ADAMTSL1: variants seen among roughly 807,000 people sequenced by gnomAD.
ADAMTSL1 encodes ADAMTS like 1.
ADAMTSL1 carries 126 observed loss-of-function variants against 201.8 expected under a neutral mutation model. The ratio of observed to expected loss-of-function variants is 0.62; its 90% CI spans 0.54 to 0.72. The LOEUF (loss-of-function observed/expected upper bound fraction) is 0.72. Ranked by LOEUF, ADAMTSL1 falls within the 30% of genes least tolerant of loss-of-function variation. The pLI, the probability that ADAMTSL1 is intolerant of heterozygous loss-of-function variation, is 0.00. For missense variants in ADAMTSL1, 2,679 were observed against 2,277.8 expected, an observed-to-expected ratio of 1.18 and a Z score of -3.59; for synonymous variants, 1,121 against 903.4, an observed-to-expected ratio of 1.24 and a Z score of -4.32.
At chr9:17,980,581 C>G (rs1818648291) in intron 1 of ADAMTSL1, among the ~76,000 whole-genome samples, 1 of 151,830 alleles carries the variant, frequency 6.6e-6, no homozygotes, top group Non-Finnish European at 1.5e-5. Context: ...AAATTCTAAC[C>G]CCAGCATGAT....
chr9:18,507,577 A>T (rs999842130), intron 2 of ADAMTSL1, among the ~76,000 whole-genome samples: 1 of 152,188 alleles, frequency 6.6e-6, no homozygotes, highest in African/African-American at 2.4e-5. Flanking sequence ...TTTTTATGGC[A>T]ATTACACACT....
chr9:18,360,410 C>T (rs1398255526), intron 2 of ADAMTSL1, among the ~76,000 whole-genome samples: 1 of 152,264 alleles, frequency 6.6e-6, no homozygotes, highest in East Asian at 1.9e-4. Flanking sequence ...CTGTCATTTG[C>T]TAGGTGTAAG....
intron 14 of ADAMTSL1, among the ~76,000 whole-genome samples, chr9:18,720,706 C>T (rs1215879750): frequency 6.6e-6 from 1 of 152,078 alleles, no homozygotes; most frequent in Non-Finnish European, 1.5e-5. Flanking sequence ...TCGCTTGAAC[C>T]CGGAAGGCAG....
At chr9:18,844,130 G>A (rs575061278) in intron 23 of ADAMTSL1, among the ~76,000 whole-genome samples, 1 of 152,160 alleles carries the variant, frequency 6.6e-6, no homozygotes, top group Non-Finnish European at 1.5e-5. Context: ...AGAGTTTCCA[G>A]TTTTTATGCT....
chr9:18,799,878 C>T (rs539884485), intron 20 of ADAMTSL1, among the ~76,000 whole-genome samples: 69 of 152,186 alleles, frequency 4.5e-4, no homozygotes, highest in Non-Finnish European at 9.3e-4. Context: ...CCCTCCCCAT[C>T]ATGATTTAGT....
chr9:17,985,748 T>A (rs896503763), intron 1 of ADAMTSL1, among the ~76,000 whole-genome samples: 1 of 152,146 alleles, frequency 6.6e-6, no homozygotes, highest in African/African-American at 2.4e-5. Context: ...TTTCATTTTA[T>A]AAATGAGCAA....
chr9:18,777,847 C>T lies in ADAMTSL1; in HGVS notation c.3618C>T (p.Gly1206=). The T allele has an allele frequency of 3.8e-6, 6 of 1,591,256 alleles. No homozygotes were observed. The highest frequency in any genetic ancestry group is 5.2e-6 in the Non-Finnish European group (6 of 1,164,480). Residue 1206 remains glycine, a synonymous_variant, in exon 19 of 29, where the codon GGC becomes GGT. Coordinates refer to ENST00000380548, the MANE Select transcript of ADAMTSL1 (RefSeq NM_001040272.6). ...TTCTTCTGCACTGTGAGGCCATCGG[C>T]CACCCAAGGCCTACCATCAGCTGGG... The part of the protein sequence containing the change: ...LSVLLHCEAI[G]HPRPTISWAR...
chr9:18,891,671 GATGGAACTTT>G (rs1276747887), intron 25 of ADAMTSL1, among the ~76,000 whole-genome samples: 1 of 152,216 alleles, frequency 6.6e-6, no homozygotes, highest in Non-Finnish European at 1.5e-5. Context: ...CACGCCAAGA[GATGGAACTTT>G]ACCTGTTTCT....
At chr9:18,059,131 T>C (rs938891302) in intron 1 of ADAMTSL1, among the ~76,000 whole-genome samples, 1 of 152,194 alleles carries the variant, frequency 6.6e-6, no homozygotes, top group Non-Finnish European at 1.5e-5. Context: ...TCAAATTCTG[T>C]GCTGCAATGA....
intron 2 of ADAMTSL1, among the ~76,000 whole-genome samples, chr9:18,456,237 C>T (rs755338096): frequency 1.4e-4 from 21 of 152,122 alleles, no homozygotes; most frequent in Non-Finnish European, 3.1e-4. Context: ...TATAATTATT[C>T]CTCAGACTCT....
Position 18,579,339 on chromosome 9 carries a change from C to T in ADAMTSL1, c.474+5073C>T, listed in dbSNP as rs1428998526. ...GAAGGGGAATATCACACGCTGGGGA[C>T]TGTGGTGGGGAGGGGGGAGGGGGGA... On this transcript the variant is annotated intron_variant, in intron 4 of 28. Transcript: ENST00000380548. Among the ~76,000 whole-genome samples, 4 of 106,844 alleles carry T rather than the reference C, an allele frequency of 3.7e-5. No individual in the cohort carries two copies. The East Asian group carries it at 1.1e-3, about 30-fold the overall frequency. The allele number at this position is 106,844 out of a possible 152,430, so 70.1% of individuals were successfully genotyped here. A position where few individuals can be genotyped will look rare whatever the true frequency, so the allele number is the denominator to read the frequency against.
chr9:18,425,436 C>T (rs1329627201), intron 2 of ADAMTSL1, among the ~76,000 whole-genome samples: 1 of 152,156 alleles, frequency 6.6e-6, no homozygotes, highest in East Asian at 1.9e-4. Context: ...CAAAAATATA[C>T]CCTCTGCTAA....
At chr9:17,942,621 C>T (rs1827286581) in intron 1 of ADAMTSL1, among the ~76,000 whole-genome samples, 1 of 152,146 alleles carries the variant, frequency 6.6e-6, no homozygotes, top group Non-Finnish European at 1.5e-5. Context: ...ACCAAAATAT[C>T]AATACCAACC....
chr9:18,190,258 C>CATG (rs1828916635), intron 2 of ADAMTSL1, among the ~76,000 whole-genome samples: 1 of 152,138 alleles, frequency 6.6e-6, no homozygotes, highest in Non-Finnish European at 1.5e-5. Flanking sequence ...ATAAGGATAT[C>CATG]ATGATGTGTG....
intron 2 of ADAMTSL1, among the ~76,000 whole-genome samples, chr9:18,193,274 G>C (rs954068075): frequency 2.0e-5 from 3 of 152,120 alleles, no homozygotes; most frequent in Non-Finnish European, 4.4e-5. Context: ...GGAGTGGTGA[G>C]ATCAACATAG....
intron 2 of ADAMTSL1, among the ~76,000 whole-genome samples, chr9:18,414,649 A>G (rs999504166): frequency 1.1e-4 from 17 of 152,180 alleles, no homozygotes; most frequent in Admixed American, 9.2e-4. Flanking sequence ...GAAACTGGGC[A>G]GAGCCTGGAA....
At chr9:17,972,463 T>C (rs981155337) in intron 1 of ADAMTSL1, among the ~76,000 whole-genome samples, 1 of 151,638 alleles carries the variant, frequency 6.6e-6, no homozygotes, top group Non-Finnish European at 1.5e-5. Flanking sequence ...GGTTTCCAGT[T>C]TCATCCATGT....
At chr9:18,695,957 A>G (rs952086279) in intron 13 of ADAMTSL1, among the ~76,000 whole-genome samples, 1 of 152,260 alleles carries the variant, frequency 6.6e-6, no homozygotes, top group African/African-American at 2.4e-5. Context: ...ATTTACAATC[A>G]TGATGGAAGA....
chr9:18,156,780 T>C (rs537368567), intron 1 of ADAMTSL1, among the ~76,000 whole-genome samples: 4 of 152,148 alleles, frequency 2.6e-5, no homozygotes, highest in African/African-American at 9.6e-5. Flanking sequence ...TGTTCTTTCA[T>C]TGTCTAAGTG....
Sources: gnomAD v4.1 joint callset for allele counts (sites outside exome capture counted in the v4.1 genomes callset) on GRCh38, gnomAD v4.1.1 for gene constraint, MANE v1.5 for transcripts, NCBI Gene and HGNC (gene_info 2026-07-23, HGNC 2026-07-21) for gene names.